Variants in EDIL3 observed in about 807,000 individuals in gnomAD.
EDIL3 encodes the protein EGF-like repeat and discoidin I-like domain-containing protein 3.
A neutral mutation model predicts 67.4 loss-of-function variants in EDIL3; 37 were observed. That is an observed-to-expected ratio of 0.55 (90% CI 0.42 to 0.72). The LOEUF (loss-of-function observed/expected upper bound fraction) is 0.72, where lower values mean the gene tolerates loss of function less well. Ranked by LOEUF, EDIL3 falls within the 30% of genes least tolerant of loss-of-function variation. EDIL3 has a pLI of 0.00. For missense variants in EDIL3, 527 were observed against 586.3 expected (o/e 0.90, Z 1.04); for synonymous variants, 195 against 196.3 (o/e 0.99, Z 0.05).
rs902591106 is a variant in EDIL3, at chr5:84,117,181, T to C, written c.470-10351A>G. On this transcript the variant is annotated intron_variant, in intron 5 of 10. Transcript: ENST00000296591. ...TAGCTGGGACTACAGGCGCCCACCA[T>C]CACGCCCGGCTAATTTTTTTTTGTA... is the stretch of plus-strand genomic sequence containing the variant. Among the ~76,000 whole-genome samples the C allele has an allele frequency of 1.9e-3, 286 of 151,840 alleles. 1 individual carries two copies. Among genetic ancestry groups the C allele is most frequent in the African/African-American group, 3.8e-3 (158 of 41,458 alleles).
intron 10 of EDIL3, among the ~76,000 whole-genome samples, chr5:83,944,019 C>A (rs1744271462): frequency 6.6e-6 from 1 of 151,974 alleles, no homozygotes; most frequent in Non-Finnish European, 1.5e-5. Flanking sequence ...GCAGACTGTG[C>A]AGAGTGTTTA....
At chr5:84,187,545 C>T (rs2112364168) in intron 3 of EDIL3, among the ~76,000 whole-genome samples, 1 of 152,068 alleles carries the variant, frequency 6.6e-6, no homozygotes, top group Non-Finnish European at 1.5e-5. Flanking sequence ...TAAGGAAATG[C>T]CAGTAAGGCA....
intron 1 of EDIL3, among the ~76,000 whole-genome samples, chr5:84,307,010 C>T (rs922482818): frequency 6.6e-6 from 1 of 152,170 alleles, no homozygotes; most frequent in Non-Finnish European, 1.5e-5. Context: ...CAACTAACTA[C>T]CAAGTGTCCA....
At chr5:84,187,500 A>C (rs1306825319) in intron 3 of EDIL3, among the ~76,000 whole-genome samples, 2 of 152,074 alleles carry the variant, frequency 1.3e-5, no homozygotes, top group Non-Finnish European at 2.9e-5. Flanking sequence ...AAACATTGCC[A>C]GTTAGATATC....
chr5:84,157,393 C>G (rs192091058), intron 4 of EDIL3, among the ~76,000 whole-genome samples: 3 of 151,808 alleles, frequency 2.0e-5, no homozygotes, highest in Non-Finnish European at 2.9e-5. Context: ...GTGAAGTAAG[C>G]AATCCAGTAA....
At chr5:84,191,174 A>G (rs1743577626) in intron 3 of EDIL3, among the ~76,000 whole-genome samples, 1 of 152,096 alleles carries the variant, frequency 6.6e-6, no homozygotes, top group South Asian at 2.1e-4. Context: ...ATAATTTTAT[A>G]ATTATAAACA....
chr5:84,109,215 C>A (rs1747515081), intron 5 of EDIL3, among the ~76,000 whole-genome samples: 1 of 152,106 alleles, frequency 6.6e-6, no homozygotes, highest in Non-Finnish European at 1.5e-5. Context: ...TTTCAAAAAA[C>A]ATAATTCAAG....
At chr5:84,005,277 T>C (rs980666175) in intron 9 of EDIL3, among the ~76,000 whole-genome samples, 19 of 152,242 alleles carry the variant, frequency 1.2e-4, no homozygotes, top group Admixed American at 1.0e-3. Flanking sequence ...CCAATCCCAC[T>C]GATATTATTC....
At chr5:84,050,712 A>T (rs551760757) in intron 9 of EDIL3, among the ~76,000 whole-genome samples, 1 of 152,368 alleles carries the variant, frequency 6.6e-6, no homozygotes, top group African/African-American at 2.4e-5. Context: ...AGCCTCGCTC[A>T]TTGCTAGCCC....
At position 84,094,603 on chromosome 5, in the gene EDIL3, G is replaced by A. The variant is rs373811105; in HGVS notation, c.651+12046C>T. On this transcript the variant is annotated intron_variant, in intron 6 of 10. Coordinates refer to ENST00000296591, the MANE Select transcript of EDIL3 (RefSeq NM_005711.5). ...CCAGGTGTCTATAAATATCAAAAAC[G>A]TTTTTATACACATTACATACAGACA... Among the ~76,000 whole-genome samples the A allele has an allele frequency of 7.9e-5, 12 of 151,884 alleles. 1 individual carries two copies. Among genetic ancestry groups the A allele is most frequent in the Middle Eastern group, 3.2e-3 (1 of 312 alleles).
intron 2 of EDIL3, among the ~76,000 whole-genome samples, chr5:84,243,071 A>ATG (rs35700768): frequency 0.012 from 1,796 of 151,484 alleles, 27 homozygotes; most frequent in African/African-American, 0.039. Context: ...AGGTTATTTT[A>ATG]TGTGTGTGTG....
intron 6 of EDIL3, among the ~76,000 whole-genome samples, chr5:84,068,032 T>C (rs760807948): frequency 1.7e-4 from 26 of 152,164 alleles, no homozygotes; most frequent in South Asian, 4.1e-4. Context: ...AAAGACAATA[T>C]CCCTCATGAA....
chr5:84,215,199 TAGG>T (rs905064249), intron 3 of EDIL3, among the ~76,000 whole-genome samples: 1 of 152,152 alleles, frequency 6.6e-6, no homozygotes, highest in Non-Finnish European at 1.5e-5. Flanking sequence ...TGCCAGCCCT[TAGG>T]AGTTTATATT....
chr5:84,244,680 C>A (rs1044783393), intron 2 of EDIL3, among the ~76,000 whole-genome samples: 1 of 152,134 alleles, frequency 6.6e-6, no homozygotes, highest in Non-Finnish European at 1.5e-5. Flanking sequence ...AAGATGAGAA[C>A]AAAGGCTGTG....
At chr5:84,019,169 G>T (rs964500336) in intron 9 of EDIL3, among the ~76,000 whole-genome samples, 1 of 152,092 alleles carries the variant, frequency 6.6e-6, no homozygotes, top group Non-Finnish European at 1.5e-5. Flanking sequence ...TGATAGACTG[G>T]ATTAAGAAAA....
At chr5:84,158,523 C>T (rs1748535136) in intron 4 of EDIL3, among the ~76,000 whole-genome samples, 2 of 151,942 alleles carry the variant, frequency 1.3e-5, no homozygotes, top group Admixed American at 6.6e-5. Flanking sequence ...AGAAATACAT[C>T]GATTTCTAAA....
rs1465998560 is a variant in EDIL3 at position 84,064,795 on chromosome 5, G to T, written c.857C>A (p.Thr286Lys). The T allele has an allele frequency of 1.2e-6, 2 of 1,613,686 alleles. No individual in the cohort carries two copies. Among genetic ancestry groups the T allele is most frequent in the Middle Eastern group, 1.6e-4 (1 of 6,082 alleles). ...TACATACTGAGCTTTTATGGGGGGT[G>T]TGAAAGAGTTAGCATATGGAGTGTT... ...DNNTPYANSF[T>K]PPIKAQYVRL... is the part of the protein sequence containing the mutation. The change falls in exon 8 of 11, where the codon ACA (threonine) becomes AAA (lysine). Residue 286 changes from threonine (T) to lysine (K), a missense_variant. Coordinates refer to ENST00000296591, the MANE Select transcript of EDIL3 (RefSeq NM_005711.5).
intron 1 of EDIL3, among the ~76,000 whole-genome samples, chr5:84,291,590 C>A (rs1011422958): frequency 6.6e-6 from 1 of 150,714 alleles, no homozygotes; most frequent in Non-Finnish European, 1.5e-5. Flanking sequence ...AGATAGGTGA[C>A]TAACCACCAG....
chr5:84,369,799 A>G (rs986681491), intron 1 of EDIL3, among the ~76,000 whole-genome samples: 1 of 152,164 alleles, frequency 6.6e-6, no homozygotes, highest in Non-Finnish European at 1.5e-5. Context: ...TTAAACCCCC[A>G]AACGCTGTAT....
Sources: gnomAD v4.1 joint callset for allele counts (sites outside exome capture counted in the v4.1 genomes callset) on GRCh38, gnomAD v4.1.1 for gene constraint, MANE v1.5 for transcripts, NCBI Gene and HGNC (gene_info 2026-07-23, HGNC 2026-07-21) for gene names.